The following SCFD2 variants were observed in gnomAD, a reference collection of about 807,000 sequenced individuals.
SCFD2 encodes the protein sec1 family domain containing 2.
In SCFD2, 54 loss-of-function variants were observed where a neutral mutation model predicts 58.9. The observed-to-expected ratio is 0.92, with a 90% CI of 0.74 to 1.15. The LOEUF is 1.15. Ranked by LOEUF, SCFD2 falls within the 50% of genes most tolerant of loss-of-function variation. The pLI is 0.00. For missense variants in SCFD2, 805 were observed against 836.6 expected (o/e 0.96, Z 0.47); for synonymous variants, 321 against 335.9 (o/e 0.96, Z 0.49).
intron 2 of SCFD2, among the ~76,000 whole-genome samples, chr4:53,334,007 T>C (rs1342865117): frequency 1.3e-5 from 2 of 151,484 alleles, no homozygotes; most frequent in East Asian, 1.9e-4. Flanking sequence ...AAAATGCTCA[T>C]TATCACTGGC....
chr4:53,285,439 T>C (rs1731634524), intron 3 of SCFD2, among the ~76,000 whole-genome samples: 1 of 152,042 alleles, frequency 6.6e-6, no homozygotes, highest in South Asian at 2.1e-4. Flanking sequence ...TCTCCCCATA[T>C]CATTCTCTCA....
chr4:52,878,301 G>C (rs527553247), intron 8 of SCFD2, among the ~76,000 whole-genome samples: 4 of 152,196 alleles, frequency 2.6e-5, no homozygotes, highest in Non-Finnish European at 5.9e-5. Flanking sequence ...CGGTCACTGG[G>C]AAGTTTTCAC....
chr4:53,031,660 T>C (rs538365783), intron 5 of SCFD2, among the ~76,000 whole-genome samples: 6 of 152,114 alleles, frequency 3.9e-5, no homozygotes, highest in South Asian at 4.2e-4. Flanking sequence ...AATAGCCAAA[T>C]TGATCAAACG....
intron 3 of SCFD2, among the ~76,000 whole-genome samples, chr4:53,277,982 G>A (rs1421211487): frequency 2.0e-5 from 3 of 152,186 alleles, no homozygotes; most frequent in East Asian, 3.9e-4. Context: ...GAACCCGGGA[G>A]GCGGAGCTTG....
intron 5 of SCFD2, among the ~76,000 whole-genome samples, chr4:53,144,609 T>A (rs7674799): frequency 0.068 from 10,210 of 150,190 alleles, 379 homozygotes; most frequent in Middle Eastern, 0.13. Flanking sequence ...TATAATATTG[T>A]GTAACATCTC....
chr4:53,081,928 A>T (rs984944161), intron 5 of SCFD2, among the ~76,000 whole-genome samples: 2 of 152,168 alleles, frequency 1.3e-5, no homozygotes, highest in Non-Finnish European at 2.9e-5. Context: ...ACTATTCTGG[A>T]CATTTCATAT....
intron 5 of SCFD2, chr4:52,957,895 C>T (rs1181388178): frequency 1.3e-5 from 2 of 152,122 alleles, no homozygotes; most frequent in African/African-American, 2.4e-5. Flanking sequence ...CTAAGTTAAC[C>T]ACCTCAAGCG....
At chr4:53,112,680 T>C (rs1725207131) in intron 5 of SCFD2, among the ~76,000 whole-genome samples, 1 of 152,128 alleles carries the variant, frequency 6.6e-6, no homozygotes, top group African/African-American at 2.4e-5. Context: ...CTGAGCTCTA[T>C]TATTTCTCCA....
In SCFD2 at chr4:52,885,769, G is replaced by C; in HGVS notation, c.1940C>G (p.Ala647Gly). The C allele has an allele frequency of 1.2e-6, 2 of 1,614,016 alleles. No homozygotes were observed. Among genetic ancestry groups the C allele is most frequent in the Non-Finnish European group, 1.7e-6 (2 of 1,179,930 alleles). ...SEVKMVKDLV[A>G]SLKPGTQVIV... ...TACCTGGGTTCCTGGCTTCAACGATGCCACAAGATCTTTGACCATTTTCAC... is the reference window on the plus strand; with the variant it reads ...TACCTGGGTTCCTGGCTTCAACGATCCCACAAGATCTTTGACCATTTTCAC... The change falls in exon 8 of 9, where the codon GCA becomes GGA. Residue 647 changes from alanine (A) to glycine (G), a missense_variant. Coordinates refer to ENST00000401642, the MANE Select transcript of SCFD2 (RefSeq NM_152540.4).
intron 5 of SCFD2, among the ~76,000 whole-genome samples, chr4:52,934,808 T>C (rs961438970): frequency 3.5e-4 from 53 of 152,216 alleles, no homozygotes; most frequent in African/African-American, 1.2e-3. Flanking sequence ...TATCCATTAA[T>C]AGGAGGATAC....
chr4:53,093,791 T>C (rs1473023868), intron 5 of SCFD2, among the ~76,000 whole-genome samples: 2 of 152,192 alleles, frequency 1.3e-5, no homozygotes, highest in East Asian at 3.9e-4. Flanking sequence ...TAGAGATGTA[T>C]ATCTTTGCAG....
intron 3 of SCFD2, among the ~76,000 whole-genome samples, chr4:53,284,182 A>C (rs1309563647): frequency 1.3e-5 from 2 of 151,792 alleles, no homozygotes; most frequent in Non-Finnish European, 2.9e-5. Context: ...ATGATTGATA[A>C]GTTTCTTTCA....
intron 5 of SCFD2, among the ~76,000 whole-genome samples, chr4:53,036,734 C>A (rs1266395966): frequency 6.6e-6 from 1 of 151,934 alleles, no homozygotes; most frequent in Non-Finnish European, 1.5e-5. Context: ...AGGAGAAATA[C>A]CTAATGTAGG....
chr4:53,111,731 T>C (rs1484382495), intron 5 of SCFD2, among the ~76,000 whole-genome samples: 4 of 152,168 alleles, frequency 2.6e-5, no homozygotes, highest in Non-Finnish European at 5.9e-5. Flanking sequence ...TTTCTGATTG[T>C]ATTATCTGAA....
At chr4:53,287,516 T>C (rs1425281250) in intron 3 of SCFD2, among the ~76,000 whole-genome samples, 9 of 151,278 alleles carry the variant, frequency 5.9e-5, no homozygotes, top group African/African-American at 1.9e-4. Flanking sequence ...ACACAGAGAG[T>C]CTGTACCCGC....
intron 5 of SCFD2, among the ~76,000 whole-genome samples, chr4:53,032,323 C>CA (rs1309293327): frequency 2.0e-5 from 3 of 152,094 alleles, no homozygotes; most frequent in Admixed American, 6.6e-5. Flanking sequence ...CGGTACCAGC[C>CA]ACTGCAAAAA....
chr4:53,071,651 AC>A (rs1302001427), intron 5 of SCFD2, among the ~76,000 whole-genome samples: 1 of 152,106 alleles, frequency 6.6e-6, no homozygotes, highest in East Asian at 1.9e-4. Flanking sequence ...AAAAATTATA[AC>A]CAATGTGAAT....
chr4:53,095,193 G>C (rs556769941), intron 5 of SCFD2, among the ~76,000 whole-genome samples: 14 of 152,038 alleles, frequency 9.2e-5, no homozygotes, highest in African/African-American at 3.1e-4. Flanking sequence ...AATAGCTCTT[G>C]CATTTTTGCC....
chr4:53,184,522 T>C (rs1727682882), intron 4 of SCFD2, among the ~76,000 whole-genome samples: 1 of 152,134 alleles, frequency 6.6e-6, no homozygotes, highest in Non-Finnish European at 1.5e-5. Flanking sequence ...AGACCACTGA[T>C]GGAGATTTTT....
Sources: allele counts gnomAD v4.1 joint callset (sites outside exome capture counted in the v4.1 genomes callset), GRCh38; gene constraint gnomAD v4.1.1; transcripts MANE v1.5; gene names NCBI Gene and HGNC (gene_info 2026-07-23, HGNC 2026-07-21).